Variants in ZFHX3 observed in about 807,000 individuals in gnomAD.
The protein encoded by ZFHX3 is zinc finger homeobox 3.
A neutral mutation model predicts 279.1 loss-of-function variants in ZFHX3; 42 were observed. That is an observed-to-expected ratio of 0.15 (90% CI 0.12 to 0.19). ZFHX3 has a LOEUF of 0.19. Ranked by LOEUF, ZFHX3 falls within the 10% of genes least tolerant of loss-of-function variation. ZFHX3 has a pLI of 1.00. For missense variants in ZFHX3, 4,981 were observed against 4,754.0 expected (o/e 1.05, Z -1.40); for synonymous variants, 2,293 against 1,957.8 (o/e 1.17, Z -4.52).
At chr16:73,291,471 C>A (rs2014769310) in intron 4 of ZFHX3, among the ~76,000 whole-genome samples, 1 of 152,198 alleles carries the variant, frequency 6.6e-6, no homozygotes, top group Non-Finnish European at 1.5e-5. Flanking sequence ...TGTGAAGGAT[C>A]ATGTAAATCC....
chr16:73,176,609 CT>C (rs34772851), intron 5 of ZFHX3, among the ~76,000 whole-genome samples: 32,408 of 139,166 alleles, frequency 0.23, 3,471 homozygotes, highest in East Asian at 0.31. Context: ...TCTTCTTCTC[CT>C]TTTTTTTTTT....
chr16:73,532,305 A>G (rs1229111252), intron 2 of ZFHX3, among the ~76,000 whole-genome samples: 1 of 152,038 alleles, frequency 6.6e-6, no homozygotes, highest in African/African-American at 2.4e-5. Flanking sequence ...TTATATGGGG[A>G]GACCCTTTTC....
chr16:73,509,130 C>T (rs1427430756), intron 2 of ZFHX3, among the ~76,000 whole-genome samples: 5 of 152,170 alleles, frequency 3.3e-5, no homozygotes, highest in Non-Finnish European at 5.9e-5. Context: ...GGCCTTGATT[C>T]TCATAGAAGC....
intron 2 of ZFHX3, among the ~76,000 whole-genome samples, chr16:73,574,882 A>T (rs976653262): frequency 6.6e-6 from 1 of 152,112 alleles, no homozygotes; most frequent in Admixed American, 6.6e-5. Context: ...TCCACCATGT[A>T]CCTCAAGGTA....
In ZFHX3 at chr16:72,798,334, T is replaced by A; in HGVS notation, c.4348A>T (p.Thr1450Ser). 1 of 1,614,186 alleles carries A rather than the reference T, an allele frequency of 6.2e-7. No homozygotes were observed. Among genetic ancestry groups the A allele is most frequent in the Non-Finnish European group, 8.5e-7 (1 of 1,180,026 alleles). The change falls in exon 9 of 10, where the codon ACA becomes TCA. Residue 1450 changes from threonine (T) to serine (S), a missense_variant. Around this residue, in one of 7 missense-constraint regions of ZFHX3, gnomAD observed 1,751 missense variants for 1,770.0 expected, o/e 0.99. Transcript: ENST00000268489. Reference sequence around the variant, plus strand: ...GCCTCACTCAGCTCCAGGTGGCTTGTCTCAAGGTGCTTCTTCAGAGCCTGG... The same window carrying A: ...GCCTCACTCAGCTCCAGGTGGCTTGACTCAAGGTGCTTCTTCAGAGCCTGG... ...TFQALKKHLE[T>S]SHLELSEADI... is the part of the protein sequence containing the mutation.
intron 4 of ZFHX3, among the ~76,000 whole-genome samples, chr16:73,296,877 A>ATGTTTT (rs755308796): frequency 3.4e-5 from 4 of 116,068 alleles, no homozygotes; most frequent in Non-Finnish European, 5.2e-5. Context: ...TGAAGCAGGA[A>ATGTTTT]TTTTTTTTTT....
chr16:73,002,334 T>TG (rs920422260), intron 1 of ZFHX3, among the ~76,000 whole-genome samples: 4 of 152,188 alleles, frequency 2.6e-5, no homozygotes, highest in Non-Finnish European at 5.9e-5. Context: ...CTGGCTCCCC[T>TG]GGCACTTGGC....
chr16:73,535,219 A>C (rs2019878525), intron 2 of ZFHX3, among the ~76,000 whole-genome samples: 1 of 152,234 alleles, frequency 6.6e-6, no homozygotes, highest in Non-Finnish European at 1.5e-5. Context: ...GGCATATATA[A>C]CTTCAAAAGC....
At position 73,076,893 on chromosome 16, in the gene ZFHX3, G is replaced by GCA. The variant is rs57770164; in HGVS notation, c.-533+16340_-533+16341dup. Among the ~76,000 whole-genome samples the GCA allele has an allele frequency of 7.5e-4, 113 of 149,968 alleles. 1 individual carries two copies. The highest frequency in any genetic ancestry group is 3.0e-3 in the South Asian group (14 of 4,686). On this transcript the variant is annotated intron_variant, in intron 8 of 17. Coordinates refer to the ZFHX3 transcript ENST00000641206. ...TGTGTGTGTATATATATATGTATAC[G>GCA]CACACACACACACACACGACTGATC... is the stretch of plus-strand genomic sequence containing the variant.
At chr16:72,865,018 G>A (rs1233055819) in intron 4 of ZFHX3, among the ~76,000 whole-genome samples, 1 of 152,208 alleles carries the variant, frequency 6.6e-6, no homozygotes, top group East Asian at 1.9e-4. Context: ...CTCTACCAAT[G>A]AGGCTATTTT....
At chr16:73,584,220 G>T in intron 2 of ZFHX3, among the ~76,000 whole-genome samples, 1 of 152,158 alleles carries the variant, frequency 6.6e-6, no homozygotes, top group East Asian at 1.9e-4. Flanking sequence ...CGATGAGAAA[G>T]AAAGAGAATG....
chr16:73,691,351 C>T (rs1464917836), intron 1 of ZFHX3, among the ~76,000 whole-genome samples: 2 of 152,168 alleles, frequency 1.3e-5, no homozygotes, highest in African/African-American at 4.8e-5. Context: ...TATAGTACTG[C>T]TATCAAAATA....
At position 72,849,860 on chromosome 16, in the gene ZFHX3, C is replaced by CAAAAA. The variant is rs542156633; in HGVS notation, c.3449-20006_3449-20002dup. On this transcript the variant is annotated intron_variant, in intron 4 of 9. Transcript: ENST00000268489. ...TCTCTGCCACTTGGAGTTCACCTAC[C>CAAAAA]AAAAAAAAAAAAAAAAAAAAAAAAA... Among the ~76,000 whole-genome samples, 5 of 56,564 alleles carry CAAAAA rather than the reference C, an allele frequency of 8.8e-5. 1 individual carries two copies. Among genetic ancestry groups the CAAAAA allele is most frequent in the Non-Finnish European group, 1.2e-4 (4 of 33,678 alleles). The allele number at this position is 56,564 out of a possible 152,430, so 37.1% of individuals were successfully genotyped here.
intron 1 of ZFHX3, among the ~76,000 whole-genome samples, chr16:73,851,279 G>A (rs1057369436): frequency 6.6e-5 from 10 of 152,266 alleles, no homozygotes; most frequent in African/African-American, 2.4e-4. Flanking sequence ...TACCAGAGGT[G>A]CGGTCACATT....
intron 4 of ZFHX3, among the ~76,000 whole-genome samples, chr16:72,871,552 G>T (rs1407785681): frequency 2.6e-5 from 4 of 152,024 alleles, no homozygotes; most frequent in Non-Finnish European, 5.9e-5. Context: ...ACGTTGGCCA[G>T]AATGGTCTTG....
intron 5 of ZFHX3, among the ~76,000 whole-genome samples, chr16:73,211,868 G>T: frequency 6.6e-6 from 1 of 151,984 alleles, no homozygotes; most frequent in East Asian, 1.9e-4. Context: ...TGAGTAGTGG[G>T]CCTCGGCCTC....
chr16:73,170,959 G>T (rs1461987911), intron 5 of ZFHX3, among the ~76,000 whole-genome samples: 1 of 152,138 alleles, frequency 6.6e-6, no homozygotes, highest in Non-Finnish European at 1.5e-5. Context: ...CAATGTCTGG[G>T]ACTACAGAAC....
chr16:73,256,676 C>G (rs73603314), intron 5 of ZFHX3, among the ~76,000 whole-genome samples: 42,661 of 152,074 alleles, frequency 0.28, 6,552 homozygotes, highest in Middle Eastern at 0.46. Context: ...TAGGGAAATA[C>G]CTTCAAAATA....
intron 4 of ZFHX3, among the ~76,000 whole-genome samples, chr16:73,304,549 A>G (rs2015135556): frequency 6.6e-6 from 1 of 152,164 alleles, no homozygotes; most frequent in Non-Finnish European, 1.5e-5. Context: ...CTCCCCGCAC[A>G]TTAGCCTAAA....
Sources: allele counts gnomAD v4.1 joint callset (sites outside exome capture counted in the v4.1 genomes callset), GRCh38; gene constraint gnomAD v4.1.1; regional missense constraint gnomAD v4.1.1; transcripts MANE v1.5; gene names NCBI Gene and HGNC (gene_info 2026-07-23, HGNC 2026-07-21).